ICE2: variants seen among roughly 807,000 people sequenced by gnomAD.
The protein encoded by ICE2 is interactor of little elongation complex ELL subunit 2.
In ICE2, 87 loss-of-function variants were observed where a neutral mutation model predicts 105.4. The ratio of observed to expected loss-of-function variants is 0.83; its 90% CI spans 0.69 to 0.99. The LOEUF is 0.99. Ranked by LOEUF, ICE2 falls within the 50% of genes least tolerant of loss-of-function variation. The pLI, the probability that ICE2 is intolerant of heterozygous loss-of-function variation, is 0.00. For synonymous variants in ICE2, 399 were observed against 392.0 expected (o/e 1.02, Z -0.21); for missense variants, 1,323 against 1,146.7 (o/e 1.15, Z -2.22).
chr15:60,426,649 A>G (rs1037025519), intron 15 of ICE2, among the ~76,000 whole-genome samples: 1 of 152,200 alleles, frequency 6.6e-6, no homozygotes, highest in Non-Finnish European at 1.5e-5. Context: ...CTATATCAAT[A>G]AGGAAAGTAT....
At position 60,479,075 on chromosome 15, in the gene ICE2, G is replaced by C. The variant is rs2064860489; in HGVS notation, c.-165C>G. 4.4e-6 allele frequency: 2 copies of C among 450,864 alleles called. No individual in the cohort carries two copies. Among genetic ancestry groups the C allele is most frequent in the Non-Finnish European group, 9.0e-6 (2 of 223,272 alleles). The allele number at this position is 450,864 out of a possible 1,614,324, so 27.9% of individuals were successfully genotyped here. On this transcript the variant is annotated 5_prime_UTR_variant, in exon 1 of 16. Transcript: ENST00000261520. The stretch of plus-strand genomic sequence containing the variant: ...CACGCTCCACCCCACTCCTCACATT[G>C]TCGCGCGCGCCCAAAAAAGACCATA...
chr15:60,466,939 C>T (rs1053844203), intron 4 of ICE2, among the ~76,000 whole-genome samples: 3 of 152,132 alleles, frequency 2.0e-5, no homozygotes, highest in African/African-American at 7.2e-5. Flanking sequence ...AATACATGCT[C>T]AGGAACTGAG....
intron 3 of ICE2, among the ~76,000 whole-genome samples, chr15:60,469,620 G>T (rs1355808642): frequency 6.6e-6 from 1 of 152,130 alleles, no homozygotes; most frequent in Non-Finnish European, 1.5e-5. Flanking sequence ...ATCTTTCAAA[G>T]ATCAAGTATA....
chr15:60,467,974 G>T, intron 4 of ICE2, 87 bp downstream of exon 4: 1 of 1,213,046 alleles, frequency 8.2e-7, no homozygotes, highest in Middle Eastern at 2.9e-4. Flanking sequence ...AAAATGACGG[G>T]ACCTAAAAAC....
chr15:60,455,329 A>T lies in ICE2; in HGVS notation c.780T>A (p.His260Gln). The T allele has an allele frequency of 6.2e-7, 1 of 1,609,590 alleles. No homozygotes were observed. Among genetic ancestry groups the T allele is most frequent in the Middle Eastern group, 1.7e-4 (1 of 6,050 alleles). ...ETSEQTAEAM[H>Q]YDISKDPNAE... The stretch of plus-strand genomic sequence containing the variant: ...CCAATGTTGCCTTGGTACTTACATA[A>T]TGCATAGCTTCAGCTGTTTGTTCTG... Residue 260 changes from histidine (H) to glutamine (Q), a missense_variant, in exon 7 of 16, where the codon CAT becomes CAA. Coordinates refer to ENST00000261520, the MANE Select transcript of ICE2 (RefSeq NM_024611.6).
chr15:60,436,773 A>AATTATCATAATTATGATATTTATGT (rs2063602036), intron 12 of ICE2, among the ~76,000 whole-genome samples: 1 of 151,070 alleles, frequency 6.6e-6, no homozygotes, highest in Admixed American at 6.6e-5. Context: ...TTATGAGGAG[A>AATTATCATAATTATGATATTTATGT]ATTATCATAA....
Position 60,421,653 on chromosome 15 carries a change from T to C in ICE2, c.*1981A>G, listed in dbSNP as rs1361900015. 2 of 152,148 alleles carry C rather than the reference T, an allele frequency of 1.3e-5. No homozygotes were observed. The highest frequency in any genetic ancestry group is 6.6e-5 in the Admixed American group (1 of 15,266). 9.4% of individuals were successfully genotyped at this position (152,148 alleles called of 1,614,324 possible). ...CACATTCCATTCTGGTGCACACAAA[T>C]GTACATTAAAAATAAAATAAAAAAG... On this transcript the variant is annotated 3_prime_UTR_variant, in exon 16 of 16. Coordinates refer to ENST00000261520, the MANE Select transcript of ICE2 (RefSeq NM_024611.6).
chr15:60,469,889 T>C (rs760100960), intron 3 of ICE2, among the ~76,000 whole-genome samples: 2 of 152,212 alleles, frequency 1.3e-5, no homozygotes, highest in Non-Finnish European at 2.9e-5. Flanking sequence ...AATCCATCTC[T>C]ATTTTTGCTA....
In ICE2 at chr15:60,456,727, G is replaced by C; in HGVS notation, c.596C>G (p.Thr199Ser). ...YSEFYTLHEV[T>S]SLMGFFPFRV... The stretch of plus-strand genomic sequence containing the variant: ...GAATGGGAAGAATCCCATTAAGCTG[G>C]TGACCTCGTGGAGAGTATAGAATTC... The change falls in exon 6 of 16, where the codon ACC becomes AGC. Residue 199 changes from threonine (T) to serine (S), a missense_variant. Physicochemically the swap from Thr to Ser is moderately conservative, Grantham distance 58. Transcript: ENST00000261520. The C allele has an allele frequency of 6.3e-7, 1 of 1,592,478 alleles. No homozygotes were observed. The highest frequency in any genetic ancestry group is 8.6e-7 in the Non-Finnish European group (1 of 1,168,290).
intron 9 of ICE2, chr15:60,451,425 T>C: frequency 3.1e-6 from 3 of 966,998 alleles, no homozygotes; most frequent in Non-Finnish European, 2.5e-6. Context: ...TAAAATTAGA[T>C]ATCATTAAGA....
At chr15:60,451,461 A>C in intron 9 of ICE2, 1 of 983,352 alleles carries the variant, frequency 1.0e-6, no homozygotes, top group African/African-American at 1.7e-5. Flanking sequence ...AATAAACTCA[A>C]GCACTTCAAA....
intron 15 of ICE2, among the ~76,000 whole-genome samples, 178 bp from the exon 16 acceptor site, chr15:60,423,940 C>G (rs1262418389): frequency 6.6e-6 from 1 of 152,174 alleles, no homozygotes; most frequent in Non-Finnish European, 1.5e-5. Context: ...TTTTTAAGTA[C>G]TAAACTTTCA....
At chr15:60,432,558 T>C (rs2063485630) in intron 13 of ICE2, among the ~76,000 whole-genome samples, 1 of 151,792 alleles carries the variant, frequency 6.6e-6, no homozygotes, top group Non-Finnish European at 1.5e-5. Context: ...TCAGAGCAGT[T>C]GTAAAGAGAT....
chr15:60,466,769 C>A (rs2064443361), intron 4 of ICE2, 56 bp from the exon 5 acceptor site: 7 of 1,390,206 alleles, frequency 5.0e-6, no homozygotes, highest in Admixed American at 2.0e-5. Context: ...TAAAAAGAAT[C>A]ACATTCTTAA....
At chr15:60,444,683 TTTA>T (rs1054656862) in intron 11 of ICE2, among the ~76,000 whole-genome samples, 1 of 152,164 alleles carries the variant, frequency 6.6e-6, no homozygotes, top group Non-Finnish European at 1.5e-5. Flanking sequence ...AATTAGCCTC[TTTA>T]TTATTATTTT....
chr15:60,474,721 C>T (rs1008073571), intron 3 of ICE2, among the ~76,000 whole-genome samples: 3 of 152,098 alleles, frequency 2.0e-5, no homozygotes, highest in Non-Finnish European at 4.4e-5. Flanking sequence ...ATATGTAAGT[C>T]TTTAAAGAAG....
intron 12 of ICE2, chr15:60,438,557 C>T (rs2063647654): frequency 6.6e-6 from 1 of 152,110 alleles, no homozygotes; most frequent in Admixed American, 6.6e-5. Flanking sequence ...AAATACTAAG[C>T]ATAATAACTT....
Position 60,428,411 on chromosome 15 carries a change from T to A in ICE2, c.2820+18A>T, listed in dbSNP as rs753853474. On this transcript the variant is annotated intron_variant, in intron 15 of 15. Coordinates refer to ENST00000261520, the MANE Select transcript of ICE2 (RefSeq NM_024611.6). ...AATAAACAACCTAATGAACCTTTAATTTCAAAAAAGATCTTACCTTTTGTT... is the reference window on the plus strand; with the variant it reads ...AATAAACAACCTAATGAACCTTTAAATTCAAAAAAGATCTTACCTTTTGTT... 3.1e-6 allele frequency: 5 copies of A among 1,605,724 alleles called. No homozygotes were observed. Among genetic ancestry groups the A allele is most frequent in the Non-Finnish European group, 3.4e-6 (4 of 1,174,748 alleles).
At chr15:60,430,962 C>G (rs2063444661) in intron 14 of ICE2, among the ~76,000 whole-genome samples, 1 of 152,054 alleles carries the variant, frequency 6.6e-6, no homozygotes, top group Non-Finnish European at 1.5e-5. Context: ...ATCTCTGCCT[C>G]CCGGGTTCAA....
Sources: allele counts gnomAD v4.1 joint callset (sites outside exome capture counted in the v4.1 genomes callset), GRCh38; gene constraint gnomAD v4.1.1; transcripts MANE v1.5; gene names NCBI Gene and HGNC (gene_info 2026-07-23, HGNC 2026-07-21).